Variants in WWTR1 observed in about 807,000 individuals in gnomAD.
The protein encoded by WWTR1 is WW domain containing transcription regulator 1.
WWTR1 carries 13 observed loss-of-function variants against 40.1 expected under a neutral mutation model. The ratio of observed to expected loss-of-function variants is 0.32; its 90% CI spans 0.21 to 0.52. The LOEUF is 0.52. Ranked by LOEUF, WWTR1 falls within the 20% of genes least tolerant of loss-of-function variation. The pLI is 0.97. For synonymous variants in WWTR1, 230 were observed against 210.1 expected, an observed-to-expected ratio of 1.09 and a Z score of -0.82; for missense variants, 436 against 523.1, an observed-to-expected ratio of 0.83 and a Z score of 1.63.
chr3:149,566,889 G>C (rs1737351204), intron 3 of WWTR1, among the ~76,000 whole-genome samples: 1 of 151,942 alleles, frequency 6.6e-6, no homozygotes, highest in Admixed American at 6.6e-5. Context: ...CTTAGACTCT[G>C]GGCTGGTGGA....
chr3:149,575,097 CA>C (rs35353624), intron 2 of WWTR1, among the ~76,000 whole-genome samples: 17 of 145,542 alleles, frequency 1.2e-4, no homozygotes, highest in African/African-American at 2.5e-4. Flanking sequence ...CCATCCCCCC[CA>C]AAAAAAAAAG....
chr3:149,526,142 G>A lies in WWTR1; in HGVS notation c.906-17C>T, dbSNP rs372073052. ...TATGGCCCTCTGCAAAGCAAAAGAT[G>A]AAGAAACTTCAATATGAGCCCACTA... is the stretch of plus-strand genomic sequence containing the variant. On this transcript the variant is annotated splice_polypyrimidine_tract_variant and intron_variant, in intron 5 of 6. Coordinates refer to ENST00000360632, the MANE Select transcript of WWTR1 (RefSeq NM_015472.6). 6.4e-7 allele frequency: 1 copy of A among 1,555,272 alleles called. No homozygotes were observed. The highest frequency in any genetic ancestry group is 1.4e-5 in the African/African-American group (1 of 72,276).
chr3:149,564,412 T>C (rs907229580), intron 3 of WWTR1, among the ~76,000 whole-genome samples: 13 of 152,048 alleles, frequency 8.5e-5, no homozygotes, highest in Non-Finnish European at 1.3e-4. Context: ...ACATGGGGCC[T>C]GGAGCCTTTT....
chr3:149,539,092 T>C (rs1424087016), intron 4 of WWTR1, among the ~76,000 whole-genome samples: 1 of 152,182 alleles, frequency 6.6e-6, no homozygotes, highest in Admixed American at 6.6e-5. Flanking sequence ...AATGAGTTAA[T>C]AGGTGACCCT....
Position 149,723,312 on chromosome 3 carries a change from C to A in WWTR1, n.459+768G>T, listed in dbSNP as rs1576652732. Reference sequence around the variant, plus strand: ...CAAGTGATTCTCCTGCCTCAGCCTCCCAGGTAGCTGGGATTACAGGCATGT... The same window carrying A: ...CAAGTGATTCTCCTGCCTCAGCCTCACAGGTAGCTGGGATTACAGGCATGT... On this transcript the variant is annotated intron_variant and non_coding_transcript_variant, in intron 4 of 6. Coordinates refer to the WWTR1 transcript ENST00000474080. Among the ~76,000 whole-genome samples, 3 of 151,912 alleles carry A rather than the reference C, an allele frequency of 2.0e-5. No individual in the cohort carries two copies. In the South Asian group the frequency reaches 6.2e-4, roughly 32 times the overall value.
At chr3:149,610,349 C>G (rs935690157) in intron 2 of WWTR1, among the ~76,000 whole-genome samples, 1 of 152,138 alleles carries the variant, frequency 6.6e-6, no homozygotes. Context: ...AAAACACTCC[C>G]TTGTAACAAA....
At chr3:149,531,855 C>G (rs1384868221) in intron 4 of WWTR1, among the ~76,000 whole-genome samples, 1 of 152,174 alleles carries the variant, frequency 6.6e-6, no homozygotes, top group African/African-American at 2.4e-5. Context: ...CTTAACAGTG[C>G]TAGGCATACA....
At chr3:149,703,904 G>C (rs1715267804), upstream of WWTR1, among the ~76,000 whole-genome samples, 1 of 152,150 alleles carries the variant, frequency 6.6e-6, no homozygotes, top group African/African-American at 2.4e-5. Flanking sequence ...CCAGCCTGTG[G>C]AACCATGAGC....
chr3:149,595,753 C>G (rs557227517), intron 2 of WWTR1, among the ~76,000 whole-genome samples: 1 of 152,248 alleles, frequency 6.6e-6, no homozygotes, highest in South Asian at 2.1e-4. Context: ...CATAATTGGG[C>G]GAGGCGCGGT....
At chr3:149,574,464 C>T (rs1737787122) in intron 2 of WWTR1, among the ~76,000 whole-genome samples, 1 of 152,190 alleles carries the variant, frequency 6.6e-6, no homozygotes, top group African/African-American at 2.4e-5. Context: ...CCACCATTGA[C>T]CTTCCTTAGA....
intron 1 of WWTR1, among the ~76,000 whole-genome samples, chr3:149,672,430 C>A (rs1714120116): frequency 6.6e-6 from 1 of 152,132 alleles, no homozygotes; most frequent in African/African-American, 2.4e-5. Flanking sequence ...GAAAAGTAGG[C>A]TACCTACGTA....
chr3:149,634,047 A>G (rs1042282374), intron 2 of WWTR1, among the ~76,000 whole-genome samples: 8 of 152,158 alleles, frequency 5.3e-5, no homozygotes, highest in African/African-American at 1.9e-4. Context: ...AAATGATCAC[A>G]TCACACAGTA....
At chr3:149,588,497 A>C (rs891282532) in intron 2 of WWTR1, among the ~76,000 whole-genome samples, 9 of 152,228 alleles carry the variant, frequency 5.9e-5, no homozygotes, top group African/African-American at 1.9e-4. Flanking sequence ...TGATGATAGA[A>C]TGGTTAAACA....
intron 1 of WWTR1, among the ~76,000 whole-genome samples, chr3:149,678,084 T>G (rs1004435184): frequency 6.6e-6 from 1 of 152,174 alleles, no homozygotes; most frequent in African/African-American, 2.4e-5. Flanking sequence ...TGATGTTATA[T>G]TCACAGTTGA....
At chr3:149,661,013 C>A (rs1363198731), upstream of WWTR1, 1 of 152,204 alleles carries the variant, frequency 6.6e-6, no homozygotes, top group Non-Finnish European at 1.5e-5. Flanking sequence ...TTTGCCTTAA[C>A]CAGGAAAATG....
At chr3:149,653,320 G>T (rs960343154) in intron 2 of WWTR1, among the ~76,000 whole-genome samples, 1 of 152,214 alleles carries the variant, frequency 6.6e-6, no homozygotes, top group Admixed American at 6.5e-5. Context: ...GTGCCAGGTT[G>T]CCCAACACCC....
At chr3:149,522,051 T>G (rs748214281) in intron 6 of WWTR1, among the ~76,000 whole-genome samples, 2 of 152,192 alleles carry the variant, frequency 1.3e-5, no homozygotes, top group Non-Finnish European at 2.9e-5. Flanking sequence ...CCACTATTAA[T>G]TACACAATAT....
rs142832112 is a variant in WWTR1 at position 149,694,433 on chromosome 3, A to C, written c.-108+8691T>G. Among the ~76,000 whole-genome samples, 709 of 152,294 alleles carry C rather than the reference A, an allele frequency of 4.7e-3. 2 individuals carry two copies. The highest frequency in any genetic ancestry group is 0.016 in the African/African-American group (685 of 41,566). On this transcript the variant is annotated intron_variant, in intron 1 of 7. Transcript: ENST00000465804. ...AAACAAAACAAACAAACAACAACAA[A>C]AAAACAAGGGATTAATAAATAGAAG...
chr3:149,713,843 G>A (rs1057396126), intron 5 of WWTR1, among the ~76,000 whole-genome samples: 4 of 152,204 alleles, frequency 2.6e-5, no homozygotes, highest in Non-Finnish European at 2.9e-5. Flanking sequence ...CTGAGGCAGC[G>A]GACTTCGACT....
Sources: gnomAD v4.1 joint callset for allele counts (sites outside exome capture counted in the v4.1 genomes callset) on GRCh38, gnomAD v4.1.1 for gene constraint, MANE v1.5 for transcripts, NCBI Gene and HGNC (gene_info 2026-07-23, HGNC 2026-07-21) for gene names.